The following GLT1D1 variants were observed in gnomAD, a reference collection of about 807,000 sequenced individuals.
GLT1D1 encodes the protein glycosyltransferase 1 domain-containing protein 1.
Under a neutral mutation model 28.7 loss-of-function variants are expected in GLT1D1, and 21 were observed. That is an observed-to-expected ratio of 0.73 (90% confidence interval 0.52 to 1.05). The LOEUF is 1.05. GLT1D1 is among the 50% of genes least tolerant of loss of function. The probability of loss-of-function intolerance (pLI) is 0.00; values close to 1 mark genes in which losing one functional copy is unlikely to be tolerated. For synonymous variants in GLT1D1, 147 were observed against 124.8 expected (o/e 1.18, Z -1.19); for missense variants, 343 against 330.6 (o/e 1.04, Z -0.29).
chr12:128,860,297 CT>C (rs1956323951), intron 1 of GLT1D1, among the ~76,000 whole-genome samples: 1 of 152,188 alleles, frequency 6.6e-6, no homozygotes, highest in East Asian at 1.9e-4. Context: ...CCCATCTCTA[CT>C]GAAAATACAA....
At chr12:128,982,193 A>G (rs753086417) in intron 7 of GLT1D1, among the ~76,000 whole-genome samples, 56 of 152,246 alleles carry the variant, frequency 3.7e-4, no homozygotes, top group Admixed American at 1.6e-3. Context: ...CAAAGAGCTG[A>G]TAAACCCCCC....
chr12:128,874,310 T>A (rs1168491220), intron 1 of GLT1D1, among the ~76,000 whole-genome samples: 1 of 150,878 alleles, frequency 6.6e-6, no homozygotes, highest in Non-Finnish European at 1.5e-5. Flanking sequence ...GCCTCCCCAG[T>A]AGCTAGGATT....
chr12:128,944,774 G>C, intron 4 of GLT1D1: 1 of 459,442 alleles, frequency 2.2e-6, no homozygotes. Flanking sequence ...GTCAATGAAA[G>C]CCTTGGCTAA....
At chr12:128,967,461 A>T (rs2135533557) in intron 7 of GLT1D1, among the ~76,000 whole-genome samples, 1 of 152,230 alleles carries the variant, frequency 6.6e-6, no homozygotes, top group East Asian at 1.9e-4. Flanking sequence ...GAGAGTGGAG[A>T]TCATGACCTC....
chr12:128,939,848 C>CG (rs1308403581), intron 4 of GLT1D1, among the ~76,000 whole-genome samples: 2 of 120,724 alleles, frequency 1.7e-5, no homozygotes, highest in Non-Finnish European at 1.9e-5. Flanking sequence ...CCCCCCCCCA[C>CG]CGCCGATCCA....
rs568974796 is a variant in GLT1D1, at chr12:128,961,925, CTCTGTGAG to C, written c.639+4285_639+4292del. ...TTTTTTTTTGAAACCATAACACTCA[CTCTGTGAG>C]TCAGGCAGTTTTTCTGGTAACCCGA... On this transcript the variant is annotated intron_variant, in intron 7 of 7. Transcript: ENST00000281703. Among the ~76,000 whole-genome samples, 705 of 152,310 alleles carry C rather than the reference CTCTGTGAG, an allele frequency of 4.6e-3. 9 individuals carry two copies. Among genetic ancestry groups the C allele is most frequent in the African/African-American group, 0.011 (465 of 41,572 alleles).
At chr12:128,855,969 C>G (rs767003867) in intron 1 of GLT1D1, among the ~76,000 whole-genome samples, 1 of 152,052 alleles carries the variant, frequency 6.6e-6, no homozygotes, top group Non-Finnish European at 1.5e-5. Context: ...CCAGGCTGGT[C>G]TCGAACTCCT....
chr12:128,973,179 GTTTTTTTTTTTT>G (rs61169176), intron 7 of GLT1D1, among the ~76,000 whole-genome samples: 6 of 50,958 alleles, frequency 1.2e-4, no homozygotes, highest in Admixed American at 3.6e-4. Flanking sequence ...TGTTTGCTTG[GTTTTTTTTTTTT>G]TTTTTTTTTT....
At chr12:128,968,468 C>T (rs933896448) in intron 7 of GLT1D1, among the ~76,000 whole-genome samples, 5 of 146,940 alleles carry the variant, frequency 3.4e-5, no homozygotes, top group African/African-American at 9.7e-5. Context: ...GTCAGGAGTT[C>T]GAGGCCAACA....
At chr12:128,912,493 A>G in intron 4 of GLT1D1, 33 bp downstream of exon 5, 1 of 1,214,064 alleles carries the variant, frequency 8.2e-7, no homozygotes, top group Non-Finnish European at 1.2e-6. Flanking sequence ...TTACTTATGT[A>G]CAGGGATAGA....
At chr12:128,941,333 C>T (rs1875205042) in intron 4 of GLT1D1, among the ~76,000 whole-genome samples, 1 of 152,116 alleles carries the variant, frequency 6.6e-6, no homozygotes, top group African/African-American at 2.4e-5. Flanking sequence ...GGATTCCAAC[C>T]TATTCTGCCT....
chr12:128,871,869 A>G (rs1364390555), intron 1 of GLT1D1, among the ~76,000 whole-genome samples: 1 of 152,150 alleles, frequency 6.6e-6, no homozygotes, highest in Non-Finnish European at 1.5e-5. Context: ...GCTAGGTTGG[A>G]CTTGAACTTT....
At chr12:128,925,535 A>G (rs1244092442) in intron 4 of GLT1D1, among the ~76,000 whole-genome samples, 3 of 152,170 alleles carry the variant, frequency 2.0e-5, no homozygotes, top group Non-Finnish European at 4.4e-5. Context: ...TTATGGCTGC[A>G]TAGTATTCCA....
At chr12:128,920,443 A>T (rs1172127648) in intron 4 of GLT1D1, among the ~76,000 whole-genome samples, 1 of 152,174 alleles carries the variant, frequency 6.6e-6, no homozygotes, top group Non-Finnish European at 1.5e-5. Flanking sequence ...AATCCCAGCT[A>T]CTTGGGAGGC....
rs539945035 is a variant in GLT1D1, at chr12:128,982,582, T to C, written c.640-347T>C. ...CATGAGAGGGAAGACATTGTGGATC[T>C]GAGAGTCCTTGGGAAGACAGCTGGT... On this transcript the variant is annotated intron_variant, in intron 7 of 7. Coordinates refer to ENST00000281703, the MANE Select transcript of GLT1D1 (RefSeq NM_144669.3). 5.4e-4 allele frequency among the ~76,000 whole-genome samples: 82 copies of C among 152,318 alleles called. No individual in the cohort carries two copies. The South Asian group carries it at 0.017, about 31-fold the overall frequency.
chr12:128,932,315 G>A (rs1244360804), intron 4 of GLT1D1, among the ~76,000 whole-genome samples: 1 of 152,102 alleles, frequency 6.6e-6, no homozygotes, highest in Non-Finnish European at 1.5e-5. Flanking sequence ...CAACTGGATC[G>A]CCGTCCCTGA....
chr12:128,923,359 G>A (rs562913873), intron 4 of GLT1D1, among the ~76,000 whole-genome samples: 74 of 152,200 alleles, frequency 4.9e-4, no homozygotes, highest in African/African-American at 1.7e-3. Context: ...TATTGCATGC[G>A]TCGTGTACTG....
At chr12:128,945,801 C>T (rs1218060196) in intron 5 of GLT1D1, among the ~76,000 whole-genome samples, 1 of 152,196 alleles carries the variant, frequency 6.6e-6, no homozygotes, top group African/African-American at 2.4e-5. Flanking sequence ...AGGAGCAAAA[C>T]GGAGGCTTCC....
chr12:128,898,026 G>A (rs1869848099), intron 3 of GLT1D1, among the ~76,000 whole-genome samples: 1 of 151,968 alleles, frequency 6.6e-6, no homozygotes, highest in South Asian at 2.1e-4. Context: ...ATTTGGTTTT[G>A]ATCTTTCTAT....
Sources: allele counts gnomAD v4.1 joint callset (sites outside exome capture counted in the v4.1 genomes callset), GRCh38; gene constraint gnomAD v4.1.1; transcripts MANE v1.5; gene names NCBI Gene and HGNC (gene_info 2026-07-23, HGNC 2026-07-21).